LANCL2: variants seen among roughly 807,000 people sequenced by gnomAD.
The protein encoded by LANCL2 is lanC-like protein 2.
In LANCL2, 33 loss-of-function variants were observed where a neutral mutation model predicts 56.9. That is an observed-to-expected ratio of 0.58 (90% CI 0.44 to 0.78). The LOEUF is 0.78. Ranked by LOEUF, LANCL2 falls within the 30% of genes least tolerant of loss-of-function variation. The pLI is 0.00. For missense variants in LANCL2, 562 were observed against 580.2 expected (o/e 0.97, Z 0.32); for synonymous variants, 233 against 228.2 (o/e 1.02, Z -0.19).
chr7:55,401,400 C>T, intron 5 of LANCL2, 80 bp downstream of exon 5: 3 of 1,291,788 alleles, frequency 2.3e-6, no homozygotes, highest in Non-Finnish European at 3.3e-6. Context: ...ATAAACAAAG[C>T]AGTCTGGATT....
intron 1 of LANCL2, among the ~76,000 whole-genome samples, chr7:55,366,545 ACCTCC>A (rs1209675268): frequency 6.6e-6 from 1 of 151,296 alleles, no homozygotes; most frequent in East Asian, 2.0e-4. Context: ...GCCCGCGGAC[ACCTCC>A]CGCCCCTGCG....
intron 1 of LANCL2, 97 bp downstream of exon 1, chr7:55,366,326 G>A (rs1053605934): frequency 1.8e-5 from 19 of 1,074,144 alleles, no homozygotes; most frequent in African/African-American, 5.0e-5. Flanking sequence ...CGCGCGCCGG[G>A]CTTGGGAGGG....
intron 3 of LANCL2, among the ~76,000 whole-genome samples, chr7:55,399,502 C>T (rs906349403): frequency 2.0e-5 from 3 of 152,136 alleles, no homozygotes; most frequent in African/African-American, 7.2e-5. Flanking sequence ...TGCCACCACA[C>T]CCAGCTAGTT....
At chr7:55,381,825 C>G (rs150454805) in intron 1 of LANCL2, among the ~76,000 whole-genome samples, 1 of 152,182 alleles carries the variant, frequency 6.6e-6, no homozygotes, top group Admixed American at 6.5e-5. Flanking sequence ...AAGAGCAATG[C>G]GTTTTTAGAG....
intron 1 of LANCL2, among the ~76,000 whole-genome samples, chr7:55,373,878 C>G (rs1296469303): frequency 6.6e-6 from 1 of 152,216 alleles, no homozygotes; most frequent in Non-Finnish European, 1.5e-5. Context: ...GTAAGGACAA[C>G]TAGCAGTTGG....
rs570619791 is a variant in LANCL2 at position 55,366,048 on chromosome 7, G to A, written c.23G>A (p.Arg8Lys). Residue 8 changes from arginine (R) to lysine (K), a missense_variant, in exon 1 of 9, where the codon AGG becomes AAG. This residue lies in a region of LANCL2 where 184 missense variants were observed against 111.8 expected (regional missense o/e 1.65). Coordinates refer to ENST00000254770, the MANE Select transcript of LANCL2 (RefSeq NM_018697.4). MGETMSKRLKLHLGGEAE... is the reference protein window; with the variant it reads MGETMSKKLKLHLGGEAE... ...GAGATGGGCGAGACCATGTCAAAGA[G>A]GCTGAAGCTCCACCTGGGAGGGGAG... is the stretch of plus-strand genomic sequence containing the variant. 11 of 1,514,572 alleles carry A rather than the reference G, an allele frequency of 7.3e-6. No homozygotes were observed. The African/African-American group carries it at 1.1e-4, about 16-fold the overall frequency. 93.8% of individuals were successfully genotyped at this position (1,514,572 alleles called of 1,614,324 possible). A position where few individuals can be genotyped will look rare whatever the true frequency, so the allele number is the denominator to read the frequency against.
chr7:55,400,184 A>T, intron 4 of LANCL2, 80 bp downstream of exon 4: 2 of 1,205,468 alleles, frequency 1.7e-6, no homozygotes, highest in Non-Finnish European at 2.2e-6. Flanking sequence ...TAACAGCTGG[A>T]CTTTACTTCT....
chr7:55,427,315 G>C (rs188705666), intron 7 of LANCL2, among the ~76,000 whole-genome samples: 1 of 152,286 alleles, frequency 6.6e-6, no homozygotes, highest in East Asian at 1.9e-4. Context: ...GCTAGCACTG[G>C]ATACTGATAT....
chr7:55,406,617 T>G (rs1425593919), intron 5 of LANCL2, among the ~76,000 whole-genome samples: 2 of 152,194 alleles, frequency 1.3e-5, no homozygotes, highest in African/African-American at 2.4e-5. Context: ...AATTTGGTTC[T>G]TATTTCTCAT....
rs1222837574 is a variant in LANCL2, at chr7:55,433,573, T to TA, written c.*2254dup. The TA allele has an allele frequency of 6.6e-6, 1 of 152,248 alleles. No individual in the cohort carries two copies. The highest frequency in any genetic ancestry group is 1.5e-5 in the Non-Finnish European group (1 of 68,040). 9.4% of individuals were successfully genotyped at this position (152,248 alleles called of 1,614,324 possible). Reference sequence around the variant, plus strand: ...ATTTCAGTACATCTCATTCATTTCTTAGATTTGTATTCACAATTGTGTTCT... The same window carrying TA: ...ATTTCAGTACATCTCATTCATTTCTTAAGATTTGTATTCACAATTGTGTTCT... On this transcript the variant is annotated 3_prime_UTR_variant, in exon 9 of 9. Transcript: ENST00000254770.
chr7:55,388,765 C>T (rs565642291), intron 1 of LANCL2, among the ~76,000 whole-genome samples: 28 of 152,220 alleles, frequency 1.8e-4, no homozygotes, highest in Non-Finnish European at 3.4e-4. Context: ...GAGCAGAGAG[C>T]CCCTTCAGCT....
intron 6 of LANCL2, among the ~76,000 whole-genome samples, chr7:55,415,805 G>T (rs1790529935): frequency 6.6e-6 from 1 of 151,810 alleles, no homozygotes; most frequent in African/African-American, 2.4e-5. Flanking sequence ...AGTAGAGACG[G>T]GGTTTCACCA....
At chr7:55,373,222 G>C (rs531509453) in intron 1 of LANCL2, among the ~76,000 whole-genome samples, 1 of 151,924 alleles carries the variant, frequency 6.6e-6, no homozygotes, top group East Asian at 1.9e-4. Flanking sequence ...TGCTTTCTGA[G>C]AACAGGAATT....
At chr7:55,406,964 C>CA (rs1165882104) in intron 5 of LANCL2, among the ~76,000 whole-genome samples, 1 of 152,146 alleles carries the variant, frequency 6.6e-6, no homozygotes, top group East Asian at 1.9e-4. Flanking sequence ...AGAAGCAAGT[C>CA]AGTTTGTTCT....
intron 1 of LANCL2, 116 bp from the exon 2 acceptor site, chr7:55,391,677 G>A: frequency 1.6e-6 from 1 of 609,724 alleles, no homozygotes; most frequent in Non-Finnish European, 2.9e-6. Context: ...GCACTGAGAT[G>A]GTCCAAGGAA....
chr7:55,408,797 G>A (rs554380609), intron 5 of LANCL2, among the ~76,000 whole-genome samples: 1 of 151,944 alleles, frequency 6.6e-6, no homozygotes, highest in African/African-American at 2.4e-5. Flanking sequence ...TAAGATAAAG[G>A]GATAAAGAGA....
At chr7:55,422,975 T>C (rs1024074072) in intron 6 of LANCL2, among the ~76,000 whole-genome samples, 11 of 152,198 alleles carry the variant, frequency 7.2e-5, no homozygotes, top group Admixed American at 2.0e-4. Context: ...TGCCTCTGAC[T>C]CCAGAGCCCT....
chr7:55,375,707 A>C (rs1789993007), intron 1 of LANCL2, among the ~76,000 whole-genome samples: 1 of 152,194 alleles, frequency 6.6e-6, no homozygotes, highest in Non-Finnish European at 1.5e-5. Flanking sequence ...CTCTGCTTAG[A>C]ATTTCATAAG....
chr7:55,384,717 G>A (rs561916177), intron 1 of LANCL2, among the ~76,000 whole-genome samples: 79 of 152,182 alleles, frequency 5.2e-4, no homozygotes, highest in Admixed American at 2.4e-3. Flanking sequence ...TTTTACTGAC[G>A]GCTGATTTTT....
Sources: gnomAD v4.1 joint callset for allele counts (sites outside exome capture counted in the v4.1 genomes callset) on GRCh38, gnomAD v4.1.1 for gene constraint, gnomAD v4.1.1 regional missense constraint, MANE v1.5 for transcripts, NCBI Gene and HGNC (gene_info 2026-07-23, HGNC 2026-07-21) for gene names.